Variants in CTNNA3 observed in about 807,000 individuals in gnomAD.
CTNNA3 encodes catenin alpha 3, also known as catenin alpha-3.
In CTNNA3, 76 loss-of-function variants were observed where a neutral mutation model predicts 95.7. The ratio of observed to expected loss-of-function variants is 0.79; its 90% CI spans 0.66 to 0.96. CTNNA3 has a LOEUF of 0.96. Ranked by LOEUF, CTNNA3 falls within the 40% of genes least tolerant of loss-of-function variation. CTNNA3 has a pLI of 0.00. For missense variants in CTNNA3, 1,191 were observed against 1,089.8 expected (o/e 1.09, Z -1.31); for synonymous variants, 431 against 374.4 (o/e 1.15, Z -1.74).
At chr10:67,016,374 TTTTG>T (rs143589395) in intron 7 of CTNNA3, among the ~76,000 whole-genome samples, 2,753 of 152,260 alleles carry the variant, frequency 0.018, 84 homozygotes, top group African/African-American at 0.062. Flanking sequence ...CCTCGTTTCT[TTTTG>T]TTTGTTTGTT....
chr10:67,648,772 C>T, intron 1 of CTNNA3: 1 of 1,289,676 alleles, frequency 7.8e-7, no homozygotes, highest in African/African-American at 1.5e-5. Context: ...TGATTTCATT[C>T]TCCTTCTAAA....
intron 3 of CTNNA3, among the ~76,000 whole-genome samples, chr10:67,543,357 C>G (rs1840741497): frequency 6.6e-6 from 1 of 151,808 alleles, no homozygotes; most frequent in Non-Finnish European, 1.5e-5. Flanking sequence ...TAAATAAACT[C>G]CAGAAGTACA....
chr10:65,967,190 T>C (rs7896050), intron 16 of CTNNA3, among the ~76,000 whole-genome samples: 7,119 of 151,734 alleles, frequency 0.047, 228 homozygotes, highest in Middle Eastern at 0.092. Flanking sequence ...TCTCCTGACC[T>C]CATGATCTGC....
intron 13 of CTNNA3, among the ~76,000 whole-genome samples, chr10:66,224,316 A>T (rs1166865421): frequency 6.6e-6 from 1 of 152,158 alleles, no homozygotes; most frequent in African/African-American, 2.4e-5. Flanking sequence ...GGAAGCGTTC[A>T]ACAAAGATTT....
At chr10:67,530,608 C>G (rs1187449691) in intron 4 of CTNNA3, among the ~76,000 whole-genome samples, 1 of 152,110 alleles carries the variant, frequency 6.6e-6, no homozygotes, top group African/African-American at 2.4e-5. Context: ...ATAAGGGAAG[C>G]AGAGCATAAA....
At chr10:67,416,862 C>T (rs536604374) in intron 5 of CTNNA3, among the ~76,000 whole-genome samples, 1 of 152,018 alleles carries the variant, frequency 6.6e-6, no homozygotes, top group Non-Finnish European at 1.5e-5. Flanking sequence ...GTAATTAGTA[C>T]GGCCACTGTG....
intron 7 of CTNNA3, among the ~76,000 whole-genome samples, chr10:66,961,888 C>T (rs1390740270): frequency 2.0e-5 from 3 of 152,114 alleles, no homozygotes; most frequent in Non-Finnish European, 2.9e-5. Context: ...CATATGGAGG[C>T]CAAATGTTTG....
intron 14 of CTNNA3, among the ~76,000 whole-genome samples, chr10:66,072,241 G>T (rs553638853): frequency 6.6e-6 from 1 of 152,250 alleles, no homozygotes; most frequent in Admixed American, 6.5e-5. Flanking sequence ...ACTTAAAAAT[G>T]TAAAGGCCAT....
intron 2 of CTNNA3, among the ~76,000 whole-genome samples, chr10:67,638,354 T>A (rs768862805): frequency 6.6e-6 from 1 of 152,110 alleles, no homozygotes; most frequent in African/African-American, 2.4e-5. Flanking sequence ...CCCAGATTCA[T>A]AAAGCAAGTC....
chr10:66,880,493 C>A (rs576688268), intron 7 of CTNNA3, among the ~76,000 whole-genome samples: 1 of 152,156 alleles, frequency 6.6e-6, no homozygotes, highest in East Asian at 1.9e-4. Context: ...TCAAACATAG[C>A]CTAATCTCTT....
chr10:67,612,181 G>A (rs1018219539), intron 2 of CTNNA3, among the ~76,000 whole-genome samples: 1 of 152,088 alleles, frequency 6.6e-6, no homozygotes, highest in Non-Finnish European at 1.5e-5. Context: ...TCTTCTTTTA[G>A]TTCCTTTCAA....
chr10:67,235,183 C>T (rs1865395789), intron 5 of CTNNA3, among the ~76,000 whole-genome samples: 1 of 151,954 alleles, frequency 6.6e-6, no homozygotes, highest in South Asian at 2.1e-4. Context: ...CAAATGGAAC[C>T]AAAAAAGAGC....
intron 3 of CTNNA3, among the ~76,000 whole-genome samples, chr10:67,546,609 T>C (rs1165636567): frequency 1.3e-5 from 2 of 152,116 alleles, no homozygotes; most frequent in Non-Finnish European, 2.9e-5. Flanking sequence ...ATAGTATGGA[T>C]TTATAACTTA....
chr10:66,889,852 G>A (rs1845196403), intron 7 of CTNNA3, among the ~76,000 whole-genome samples: 1 of 149,894 alleles, frequency 6.7e-6, no homozygotes, highest in African/African-American at 2.5e-5. Flanking sequence ...GTGCAGTGGT[G>A]CAATATTGGC....
chr10:66,105,483 T>C (rs1180514029), intron 13 of CTNNA3, among the ~76,000 whole-genome samples: 2 of 152,202 alleles, frequency 1.3e-5, no homozygotes, highest in Non-Finnish European at 2.9e-5. Context: ...CTGCTGTTTA[T>C]TACTTGGGTT....
At chr10:66,205,213 T>G (rs778431604) in intron 13 of CTNNA3, among the ~76,000 whole-genome samples, 1 of 152,106 alleles carries the variant, frequency 6.6e-6, no homozygotes, top group Non-Finnish European at 1.5e-5. Flanking sequence ...TAAGTCCTTA[T>G]TTAAATTCTT....
chr10:67,445,503 A>C (rs1001245723), intron 5 of CTNNA3, among the ~76,000 whole-genome samples: 1 of 152,020 alleles, frequency 6.6e-6, no homozygotes, highest in African/African-American at 2.4e-5. Flanking sequence ...TAACAAACCT[A>C]CTGCAACCCA....
chr10:66,256,282 A>T (rs894447639), intron 13 of CTNNA3, among the ~76,000 whole-genome samples: 4 of 152,306 alleles, frequency 2.6e-5, no homozygotes, highest in African/African-American at 9.6e-5. Context: ...AGGCCAATCC[A>T]TTCTGGCTGT....
chr10:67,686,118 CCTTT>C (rs1840725839), intron 1 of CTNNA3, among the ~76,000 whole-genome samples: 1 of 152,214 alleles, frequency 6.6e-6, no homozygotes, highest in African/African-American at 2.4e-5. Flanking sequence ...TTAGGAACTC[CCTTT>C]CTTTCCATAT....
Sources: gnomAD v4.1 joint callset for allele counts (sites outside exome capture counted in the v4.1 genomes callset) on GRCh38, gnomAD v4.1.1 for gene constraint, MANE v1.5 for transcripts, NCBI Gene and HGNC (gene_info 2026-07-23, HGNC 2026-07-21) for gene names.